The following COL13A1 variants were observed in gnomAD, a reference collection of about 807,000 sequenced individuals.
COL13A1 encodes the protein collagen alpha-1(XIII) chain.
COL13A1 carries 89 observed loss-of-function variants against 130.9 expected under a neutral mutation model. The observed-to-expected ratio is 0.68, with a 90% CI of 0.57 to 0.81. The LOEUF is 0.81. Ranked by LOEUF, COL13A1 falls within the 30% of genes least tolerant of loss-of-function variation. The pLI, the probability that COL13A1 is intolerant of heterozygous loss-of-function variation, is 0.00. For synonymous variants in COL13A1, 402 were observed against 341.6 expected, an observed-to-expected ratio of 1.18 and a Z score of -1.95; for missense variants, 879 against 934.6, an observed-to-expected ratio of 0.94 and a Z score of 0.78.
At chr10:69,864,957 G>T (rs1168425540) in intron 2 of COL13A1, among the ~76,000 whole-genome samples, 1 of 152,224 alleles carries the variant, frequency 6.6e-6, no homozygotes, top group Admixed American at 6.5e-5. Context: ...TCTCCCTGCT[G>T]CAAGAAACAG....
At chr10:69,937,460 A>G (rs1245730509) in intron 33 of COL13A1, among the ~76,000 whole-genome samples, 175 bp from the exon 34 acceptor site, 1 of 152,154 alleles carries the variant, frequency 6.6e-6, no homozygotes, top group African/African-American at 2.4e-5. Context: ...TACAGGGGCT[A>G]CTAACTGAGG....
intron 32 of COL13A1, among the ~76,000 whole-genome samples, 152 bp from the exon 33 acceptor site, chr10:69,936,604 C>T (rs2066953547): frequency 6.6e-6 from 1 of 152,134 alleles, no homozygotes; most frequent in African/African-American, 2.4e-5. Flanking sequence ...GCATGACCCC[C>T]ACTTAGCATT....
intron 24 of COL13A1, among the ~76,000 whole-genome samples, chr10:69,924,510 A>G (rs2065091124): frequency 6.6e-6 from 1 of 150,424 alleles, no homozygotes; most frequent in Non-Finnish European, 1.5e-5. Context: ...TTCACTCGGC[A>G]TTCTGGGTCT....
chr10:69,843,004 T>C (rs1852012384), intron 2 of COL13A1, among the ~76,000 whole-genome samples: 1 of 151,890 alleles, frequency 6.6e-6, no homozygotes, highest in African/African-American at 2.4e-5. Context: ...ACACTGAGAG[T>C]AAACTGTTTA....
At chr10:69,947,404 A>T in intron 38 of COL13A1, 62 bp downstream of exon 38, 2 of 1,459,496 alleles carry the variant, frequency 1.4e-6, no homozygotes, top group Non-Finnish European at 1.9e-6. Flanking sequence ...GGGTGGAATG[A>T]TCGATCGGTG....
rs147322955 is a variant in COL13A1 at position 69,924,920 on chromosome 10, A to G, written c.1285-43A>G. On this transcript the variant is annotated intron_variant, in intron 24 of 40. Transcript: ENST00000645393. Reference sequence around the variant, plus strand: ...CATCTAGGGACATCAGGCTCTCTGTACCAACTTTATCCCCACTTTGCTCCA... The same window carrying G: ...CATCTAGGGACATCAGGCTCTCTGTGCCAACTTTATCCCCACTTTGCTCCA... 9.2e-4 allele frequency: 1,418 copies of G among 1,544,086 alleles called. 23 individuals carry two copies. The African/African-American group carries it at 0.017, about 19-fold the overall frequency.
chr10:69,841,141 G>A (rs1344392582), intron 2 of COL13A1, among the ~76,000 whole-genome samples: 1 of 148,968 alleles, frequency 6.7e-6, no homozygotes, highest in Non-Finnish European at 1.5e-5. Flanking sequence ...CTCATCACCA[G>A]GCCTCTGCCC....
At chr10:69,905,018 G>A (rs940096291) in intron 16 of COL13A1, 59 bp downstream of exon 16, 5 of 1,539,252 alleles carry the variant, frequency 3.2e-6, no homozygotes, top group South Asian at 1.2e-5. Flanking sequence ...CAGGAGGGAG[G>A]GGGAGGCAGC....
At chr10:69,887,177 G>A (rs868444262) in intron 7 of COL13A1, among the ~76,000 whole-genome samples, 3 of 152,178 alleles carry the variant, frequency 2.0e-5, no homozygotes, top group Non-Finnish European at 2.9e-5. Context: ...CATCCACAGC[G>A]GTGAGGAGCT....
At chr10:69,879,015 C>G (rs1323151346) in intron 6 of COL13A1, among the ~76,000 whole-genome samples, 1 of 152,256 alleles carries the variant, frequency 6.6e-6, no homozygotes, top group East Asian at 1.9e-4. Context: ...ATGTATTAAA[C>G]ACAAATTGTG....
At chr10:69,879,337 C>T (rs2059911519) in intron 6 of COL13A1, 1 of 152,222 alleles carries the variant, frequency 6.6e-6, no homozygotes, top group African/African-American at 2.4e-5. Flanking sequence ...GTTTTAAGTA[C>T]TTTACATTAT....
intron 14 of COL13A1, among the ~76,000 whole-genome samples, chr10:69,899,333 T>G (rs1463066017): frequency 1.3e-5 from 2 of 152,244 alleles, no homozygotes; most frequent in Admixed American, 1.3e-4. Flanking sequence ...TTAAGAGACA[T>G]AATTGTTAGC....
intron 1 of COL13A1, among the ~76,000 whole-genome samples, chr10:69,818,545 G>A (rs902849726): frequency 1.9e-4 from 29 of 152,230 alleles, no homozygotes; most frequent in South Asian, 4.1e-4. Context: ...ATGTGATTAT[G>A]GAGATGAGAA....
intron 1 of COL13A1, 94 bp downstream of exon 1, chr10:69,802,811 C>T (rs1313678867): frequency 1.1e-5 from 16 of 1,495,392 alleles, no homozygotes; most frequent in Admixed American, 1.8e-5. Context: ...GGCGCTCGCT[C>T]TCTGCGAGCC....
rs571567095 is a variant in COL13A1 at position 69,875,728 on chromosome 10, C to T, written c.435+565C>T. ...GAAGATAGAGAAGGGGAGATGAGAA[C>T]GTTTGATGGAGAGGGTGTTTCCCAG... On this transcript the variant is annotated intron_variant, in intron 5 of 40. Transcript: ENST00000645393. 6.6e-5 allele frequency among the ~76,000 whole-genome samples: 10 copies of T among 152,346 alleles called. 1 individual carries two copies. In the South Asian group the frequency reaches 1.2e-3, roughly 19 times the overall value.
intron 35 of COL13A1, among the ~76,000 whole-genome samples, chr10:69,942,645 C>T (rs999598458): frequency 3.3e-5 from 5 of 152,210 alleles, no homozygotes; most frequent in African/African-American, 1.2e-4. Context: ...ACTTCCTACG[C>T]GTCAGGCTCA....
chr10:69,904,833 G>A, intron 15 of COL13A1, 100 bp from the exon 16 acceptor site: 2 of 1,277,096 alleles, frequency 1.6e-6, no homozygotes, highest in African/African-American at 1.5e-5. Flanking sequence ...TAGCTATTGG[G>A]AGCTGCTCTG....
intron 17 of COL13A1, among the ~76,000 whole-genome samples, chr10:69,916,540 G>A (rs2135489922): frequency 6.6e-6 from 1 of 152,320 alleles, no homozygotes; most frequent in African/African-American, 2.4e-5. Context: ...CCTCCTTGTG[G>A]TGTGTCCTTC....
intron 39 of COL13A1, chr10:69,956,682 G>A (rs560888528): frequency 3.2e-4 from 89 of 276,638 alleles, no homozygotes; most frequent in African/African-American, 1.6e-3. Context: ...GTGAGCAGCC[G>A]GCACTCCATA....
Sources: allele counts gnomAD v4.1 joint callset (sites outside exome capture counted in the v4.1 genomes callset), GRCh38; gene constraint gnomAD v4.1.1; transcripts MANE v1.5; gene names NCBI Gene and HGNC (gene_info 2026-07-23, HGNC 2026-07-21).